The following ADCY8 variants were observed in gnomAD, a reference collection of about 807,000 sequenced individuals.
ADCY8 encodes the protein adenylate cyclase 8.
ADCY8 carries 51 observed loss-of-function variants against 119.7 expected under a neutral mutation model. The observed-to-expected ratio is 0.43, with a 90% CI of 0.34 to 0.54. The LOEUF (loss-of-function observed/expected upper bound fraction) is 0.54, where lower values mean the gene tolerates loss of function less well. ADCY8 is among the 20% of genes least tolerant of loss of function. The pLI, the probability that ADCY8 is intolerant of heterozygous loss-of-function variation, is 0.03. For missense variants in ADCY8, 1,383 were observed against 1,598.8 expected, an observed-to-expected ratio of 0.87 and a Z score of 2.30; for synonymous variants, 665 against 651.0, an observed-to-expected ratio of 1.02 and a Z score of -0.33.
chr8:130,949,083 T>A (rs1821196593), intron 3 of ADCY8, among the ~76,000 whole-genome samples: 1 of 151,982 alleles, frequency 6.6e-6, no homozygotes, highest in Non-Finnish European at 1.5e-5. Flanking sequence ...AATTTTAATG[T>A]ACTGTGGCGT....
chr8:130,915,120 T>TA (rs1353675752), intron 5 of ADCY8, among the ~76,000 whole-genome samples: 1 of 152,176 alleles, frequency 6.6e-6, no homozygotes, highest in Non-Finnish European at 1.5e-5. Context: ...TTCTTTTAAA[T>TA]AAAAAACACA....
At chr8:130,933,074 T>A (rs1820681948) in intron 5 of ADCY8, among the ~76,000 whole-genome samples, 1 of 152,130 alleles carries the variant, frequency 6.6e-6, no homozygotes, top group Non-Finnish European at 1.5e-5. Flanking sequence ...GTATCCTAAC[T>A]TTGAGAAAAT....
At chr8:130,799,495 T>C (rs1033331734) in intron 15 of ADCY8, among the ~76,000 whole-genome samples, 1 of 152,100 alleles carries the variant, frequency 6.6e-6, no homozygotes, top group Non-Finnish European at 1.5e-5. Flanking sequence ...TAGTAGTTGT[T>C]TTTTTTTCCC....
Position 130,946,385 on chromosome 8 carries a change from A to G in ADCY8, c.1242-2923T>C, listed in dbSNP as rs181688021. On this transcript the variant is annotated intron_variant, in intron 3 of 17. Coordinates refer to ENST00000286355, the MANE Select transcript of ADCY8 (RefSeq NM_001115.3). Reference sequence around the variant, plus strand: ...CTTTCGATCCCACCATACATTATGCACCTGTATCTTTGTACATGCTATGCC... The same window carrying G: ...CTTTCGATCCCACCATACATTATGCGCCTGTATCTTTGTACATGCTATGCC... 2.5e-3 allele frequency among the ~76,000 whole-genome samples: 377 copies of G among 152,280 alleles called. 6 individuals are homozygous for G. The highest frequency in any genetic ancestry group is 0.022 in the Admixed American group (338 of 15,300).
At chr8:130,846,567 C>CCCCTT in intron 11 of ADCY8, among the ~76,000 whole-genome samples, 3 of 129,808 alleles carry the variant, frequency 2.3e-5, no homozygotes, top group African/African-American at 8.7e-5. Flanking sequence ...TTCCTTCCTT[C>CCCCTT]CTTCCCCTTC....
chr8:131,002,241 G>A (rs1465011159), intron 1 of ADCY8, among the ~76,000 whole-genome samples: 2 of 152,176 alleles, frequency 1.3e-5, no homozygotes, highest in Non-Finnish European at 2.9e-5. Flanking sequence ...AATATGTATT[G>A]ACTGTGGTTG....
intron 17 of ADCY8, among the ~76,000 whole-genome samples, chr8:130,781,102 G>T (rs1280694940): frequency 6.6e-6 from 1 of 152,178 alleles, no homozygotes; most frequent in Non-Finnish European, 1.5e-5. Flanking sequence ...ATTAAAGGCA[G>T]ATTTAATGAG....
At position 130,919,485 on chromosome 8, in the gene ADCY8, T is replaced by G. The variant is rs150263634; in HGVS notation, c.1482-9619A>C. On this transcript the variant is annotated intron_variant, in intron 5 of 17. Transcript: ENST00000286355. ...CTCTCCTAGCCTGCAGAAGAGTGGG[T>G]GCAGAGCTTGAGGGTTGGGTGGGTA... Among the ~76,000 whole-genome samples the G allele has an allele frequency of 3.2e-4, 48 of 152,262 alleles. No homozygotes were observed. The East Asian group carries it at 9.3e-3, about 29-fold the overall frequency.
At chr8:130,868,433 C>G (rs1485222258) in intron 8 of ADCY8, among the ~76,000 whole-genome samples, 1 of 152,162 alleles carries the variant, frequency 6.6e-6, no homozygotes, top group Admixed American at 6.5e-5. Flanking sequence ...GCTAGTGTAG[C>G]CTTTTCATTT....
chr8:130,878,621 G>A (rs560228752), intron 8 of ADCY8, among the ~76,000 whole-genome samples: 1 of 152,296 alleles, frequency 6.6e-6, no homozygotes, highest in East Asian at 1.9e-4. Flanking sequence ...CCAAAATGCA[G>A]GTCTTCTTGC....
chr8:130,986,686 T>C (rs1822411622), intron 2 of ADCY8, among the ~76,000 whole-genome samples: 1 of 152,170 alleles, frequency 6.6e-6, no homozygotes, highest in South Asian at 2.1e-4. Context: ...TGGCACAGGC[T>C]GGTGAAATAG....
intron 17 of ADCY8, among the ~76,000 whole-genome samples, chr8:130,782,904 G>A (rs1440297438): frequency 6.6e-6 from 1 of 152,182 alleles, no homozygotes; most frequent in Non-Finnish European, 1.5e-5. Context: ...CGTAGCAAAA[G>A]TTATTTTAAA....
chr8:130,817,272 C>T (rs1446088416), intron 13 of ADCY8, among the ~76,000 whole-genome samples: 2 of 152,188 alleles, frequency 1.3e-5, no homozygotes, highest in Non-Finnish European at 2.9e-5. Flanking sequence ...TTGTGGTCCT[C>T]ACTATGAAGT....
chr8:130,847,131 G>T (rs988416475), intron 11 of ADCY8, among the ~76,000 whole-genome samples: 1 of 151,948 alleles, frequency 6.6e-6, no homozygotes, highest in Non-Finnish European at 1.5e-5. Context: ...TGGATAGAAG[G>T]AAAGGTGAAA....
chr8:131,030,168 T>A (rs1383336360), intron 1 of ADCY8, among the ~76,000 whole-genome samples: 3 of 152,156 alleles, frequency 2.0e-5, no homozygotes, highest in African/African-American at 7.2e-5. Flanking sequence ...ATGGGTTGCC[T>A]AGAGTCTCAG....
chr8:130,876,230 T>C (rs770869493), intron 8 of ADCY8, among the ~76,000 whole-genome samples: 19 of 152,120 alleles, frequency 1.2e-4, no homozygotes, highest in Non-Finnish European at 2.5e-4. Flanking sequence ...TTTGTATTTT[T>C]AGTAGGGGCA....
At chr8:130,968,087 G>A (rs922054154) in intron 2 of ADCY8, among the ~76,000 whole-genome samples, 2 of 152,136 alleles carry the variant, frequency 1.3e-5, no homozygotes, top group Admixed American at 6.5e-5. Flanking sequence ...AGAATGAAGA[G>A]TGGTCTGTAC....
At chr8:131,002,505 G>A (rs1215904656) in intron 1 of ADCY8, among the ~76,000 whole-genome samples, 13 of 152,170 alleles carry the variant, frequency 8.5e-5, no homozygotes, top group Non-Finnish European at 1.6e-4. Flanking sequence ...CAGGGTCGTG[G>A]GCTTTTCCCA....
intron 7 of ADCY8, among the ~76,000 whole-genome samples, chr8:130,895,892 T>A (rs985577799): frequency 1.4e-4 from 22 of 152,178 alleles, no homozygotes; most frequent in African/African-American, 4.1e-4. Flanking sequence ...CAGTTACCTC[T>A]GAAAACACAC....
Sources: gnomAD v4.1 joint callset for allele counts (sites outside exome capture counted in the v4.1 genomes callset) on GRCh38, gnomAD v4.1.1 for gene constraint, MANE v1.5 for transcripts, NCBI Gene and HGNC (gene_info 2026-07-23, HGNC 2026-07-21) for gene names.